CPEB2: variants seen among roughly 807,000 people sequenced by gnomAD.
CPEB2 encodes cytoplasmic polyadenylation element-binding protein 2.
CPEB2 carries 56 observed loss-of-function variants against 93.6 expected under a neutral mutation model. The ratio of observed to expected loss-of-function variants is 0.60; its 90% confidence interval spans 0.48 to 0.75. CPEB2 has a LOEUF of 0.75. CPEB2 is among the 30% of genes least tolerant of loss of function. CPEB2 has a pLI of 0.00. For synonymous variants in CPEB2, 764 were observed against 586.3 expected (o/e 1.30, Z -4.38); for missense variants, 1,579 against 1,395.1 (o/e 1.13, Z -2.10).
rs1022482831 is a variant in CPEB2 at position 15,003,508 on chromosome 4, G to C, written c.835G>C (p.Ala279Pro). The C allele has an allele frequency of 7.8e-6, 11 of 1,415,874 alleles. No individual in the cohort carries two copies. The highest frequency in any genetic ancestry group is 9.2e-6 in the Non-Finnish European group (10 of 1,088,946). 87.7% of individuals were successfully genotyped at this position (1,415,874 alleles called of 1,614,324 possible). A position where few individuals can be genotyped will look rare whatever the true frequency, so the allele number is the denominator to read the frequency against. Residue 279 changes from alanine (A) to proline (P), a missense_variant, in exon 1 of 12, where the codon GCG becomes CCG. Ala to Pro is a conservative substitution (Grantham distance 27). Around this residue, in one of 2 missense-constraint regions of CPEB2, gnomAD observed 1,411 missense variants for 1,056.0 expected, o/e 1.34. Transcript: ENST00000538197. ...AGCCCCGCGGCGCCGCCACGGAGGC[G>C]CGGGCAGCCCTCGCAAGACCCCAGC... is the stretch of plus-strand genomic sequence containing the variant. ...PAAPRRRHGG[A>P]GSPRKTPAAG... is the part of the protein sequence containing the mutation.
chr4:15,055,124 A>G (rs939989138), intron 8 of CPEB2, among the ~76,000 whole-genome samples: 1 of 152,222 alleles, frequency 6.6e-6, no homozygotes, highest in African/African-American at 2.4e-5. Flanking sequence ...TATATGAGTC[A>G]TATCTACTTT....
chr4:15,022,967 T>G (rs1490331052), intron 4 of CPEB2, among the ~76,000 whole-genome samples: 2 of 152,056 alleles, frequency 1.3e-5, no homozygotes, highest in African/African-American at 2.4e-5. Context: ...ATTACAAACT[T>G]ATTAAAACAT....
intron 6 of CPEB2, among the ~76,000 whole-genome samples, chr4:15,051,945 G>T (rs1432624479): frequency 6.6e-6 from 1 of 152,198 alleles, no homozygotes; most frequent in Non-Finnish European, 1.5e-5. Context: ...AATAAATTAG[G>T]TGAAGACCTT....
At chr4:15,059,017 C>T (rs138058963) in intron 9 of CPEB2, among the ~76,000 whole-genome samples, 170 bp from the exon 10 acceptor site, 230 of 152,192 alleles carry the variant, frequency 1.5e-3, no homozygotes, top group African/African-American at 5.1e-3. Flanking sequence ...TCAGAGACTG[C>T]GGATTTATAG....
chr4:15,027,686 CTTAA>C (rs1408776385), intron 4 of CPEB2, among the ~76,000 whole-genome samples: 2 of 152,098 alleles, frequency 1.3e-5, no homozygotes, highest in Non-Finnish European at 2.9e-5. Flanking sequence ...ATTTAAAGCA[CTTAA>C]TTAAGAAGTA....
At chr4:15,046,427 T>C (rs1727707704) in intron 6 of CPEB2, among the ~76,000 whole-genome samples, 1 of 152,178 alleles carries the variant, frequency 6.6e-6, no homozygotes, top group African/African-American at 2.4e-5. Context: ...GGTTTCACGA[T>C]GTTGGCCAGG....
intron 7 of CPEB2, among the ~76,000 whole-genome samples, chr4:15,053,533 T>G (rs2109083551): frequency 6.6e-6 from 1 of 152,322 alleles, no homozygotes. Context: ...TTCTTACATT[T>G]TAGGAAATTT....
In CPEB2 at chr4:15,003,158, C is replaced by T. The variant is rs774732907; in HGVS notation, c.485C>T (p.Ser162Phe). ...TCCTGCTGCTGCTGCCGCACCTCCT[C>T]CCCGCAGGACTTCAGTAAGCGGCAG... ...ASSCCCCRTS[S>F]PQDFSKRQQQ... The change falls in exon 1 of 12, where the codon TCC (serine) becomes TTC (phenylalanine). Residue 162 changes from serine (S) to phenylalanine (F), a missense_variant. By Grantham distance (155) the Ser-to-Phe change is radical. Coordinates refer to ENST00000538197, the MANE Select transcript of CPEB2 (RefSeq NM_001177382.2). 3 of 1,534,528 alleles carry T rather than the reference C, an allele frequency of 2.0e-6. No homozygotes were observed. The highest frequency in any genetic ancestry group is 2.6e-6 in the Non-Finnish European group (3 of 1,146,268).
intron 6 of CPEB2, among the ~76,000 whole-genome samples, chr4:15,050,851 G>A (rs1025938235): frequency 6.6e-6 from 1 of 151,982 alleles, no homozygotes; most frequent in South Asian, 2.1e-4. Flanking sequence ...TGTTATAAAG[G>A]ACCTTAAACT....
Position 15,003,705 on chromosome 4 carries a change from C to T in CPEB2, c.1032C>T (p.Ser344=). Residue 344 remains serine (S), a synonymous_variant, in exon 1 of 12, where the codon AGC becomes AGT. Coordinates refer to ENST00000538197, the MANE Select transcript of CPEB2 (RefSeq NM_001177382.2). ...CGGGCGCCTTCAGCAGCCTGCAGAGCCCGGACCTTCCACACCCGGGCGGCG... is the reference window on the plus strand; with the variant it reads ...CGGGCGCCTTCAGCAGCCTGCAGAGTCCGGACCTTCCACACCCGGGCGGCG... ...LGAGAFSSLQ[S]PDLPHPGGGG... 7.2e-7 allele frequency: 1 copy of T among 1,393,658 alleles called. No individual in the cohort carries two copies. Among genetic ancestry groups the T allele is most frequent in the Non-Finnish European group, 9.3e-7 (1 of 1,075,808 alleles). The allele number at this position is 1,393,658 out of a possible 1,614,324, so 86.3% of individuals were successfully genotyped here.
chr4:15,045,457 G>A (rs1727576490), intron 6 of CPEB2, among the ~76,000 whole-genome samples: 1 of 152,026 alleles, frequency 6.6e-6, no homozygotes, highest in Admixed American at 6.5e-5. Flanking sequence ...CATGGGAGTA[G>A]CATTTTTGTG....
intron 10 of CPEB2, among the ~76,000 whole-genome samples, chr4:15,059,891 G>C (rs554489065): frequency 6.6e-6 from 1 of 152,016 alleles, no homozygotes; most frequent in African/African-American, 2.4e-5. Context: ...CGTCTCCCCA[G>C]TCATAGAGAT....
rs1273734193 is a variant in CPEB2 at position 15,003,210 on chromosome 4, G to T, written c.537G>T (p.Arg179Ser). Residue 179 changes from arginine (R) to serine (S), a missense_variant, in exon 1 of 12, where the codon AGG becomes AGT. Coordinates refer to ENST00000538197, the MANE Select transcript of CPEB2 (RefSeq NM_001177382.2). ...AGCAGCAGCTGAGCAGCCAGAAGAGGAAAGAGTTCAGCCCTCCCCACCTTC... is the reference window on the plus strand; with the variant it reads ...AGCAGCAGCTGAGCAGCCAGAAGAGTAAAGAGTTCAGCCCTCCCCACCTTC... ...RQQQQLSSQK[R>S]KEFSPPHLPH... is the part of the protein sequence containing the mutation. 4 of 1,533,786 alleles carry T rather than the reference G, an allele frequency of 2.6e-6. No individual in the cohort carries two copies. The highest frequency in any genetic ancestry group is 2.6e-6 in the Non-Finnish European group (3 of 1,146,146).
chr4:15,003,585 G>C lies in CPEB2; in HGVS notation c.912G>C (p.Ser304=). 6.8e-7 allele frequency: 1 copy of C among 1,475,288 alleles called. No individual in the cohort carries two copies. Among genetic ancestry groups the C allele is most frequent in the Non-Finnish European group, 8.9e-7 (1 of 1,117,432 alleles). The allele number at this position is 1,475,288 out of a possible 1,614,324, so 91.4% of individuals were successfully genotyped here. A position where few individuals can be genotyped will look rare whatever the true frequency, so the allele number is the denominator to read the frequency against. Residue 304 remains serine, a synonymous_variant, in exon 1 of 12, where the codon TCG becomes TCC. Coordinates refer to ENST00000538197, the MANE Select transcript of CPEB2 (RefSeq NM_001177382.2). ...CCCCCAATGCGGGCTTGGCCTCCTC[G>C]ACGCCGGTGAACCCCGCGCCGGGCT... The part of the protein sequence containing the change: ...AESPNAGLAS[S]TPVNPAPGSM...
intron 4 of CPEB2, among the ~76,000 whole-genome samples, chr4:15,019,072 A>G (rs1724525948): frequency 6.6e-6 from 1 of 150,970 alleles, no homozygotes; most frequent in South Asian, 2.1e-4. Flanking sequence ...GTGAGAAGGG[A>G]AAAAACATGC....
intron 4 of CPEB2, among the ~76,000 whole-genome samples, chr4:15,020,196 A>C (rs1301824826): frequency 6.6e-6 from 1 of 152,134 alleles, no homozygotes; most frequent in Non-Finnish European, 1.5e-5. Flanking sequence ...TAGCCTTAGA[A>C]GTCTCATACC....
Position 15,025,816 on chromosome 4 carries a change from G to A in CPEB2, c.2126-7345G>A, listed in dbSNP as rs546171223. 2.0e-5 allele frequency among the ~76,000 whole-genome samples: 3 copies of A among 151,762 alleles called. No homozygotes were observed. In the South Asian group the frequency reaches 6.2e-4, roughly 32 times the overall value. Reference sequence around the variant, plus strand: ...GCATTCCCCATGTATACACGGCTTAGGTTTGTGTTTCAGTGATTTCTGGTC... The same window carrying A: ...GCATTCCCCATGTATACACGGCTTAAGTTTGTGTTTCAGTGATTTCTGGTC... On this transcript the variant is annotated intron_variant, in intron 4 of 11. Coordinates refer to ENST00000538197, the MANE Select transcript of CPEB2 (RefSeq NM_001177382.2).
At chr4:15,059,156 G>A in intron 9 of CPEB2, 31 bp from the exon 10 acceptor site, 1 of 1,299,586 alleles carries the variant, frequency 7.7e-7, no homozygotes, top group East Asian at 2.3e-5. Flanking sequence ...AGACATCAAG[G>A]GAGTAAGACC....
intron 6 of CPEB2, among the ~76,000 whole-genome samples, chr4:15,043,732 G>A (rs1275617574): frequency 2.0e-5 from 3 of 151,948 alleles, no homozygotes; most frequent in East Asian, 1.9e-4. Context: ...AAATAAAAAC[G>A]TAGTTTAGTT....
Sources: allele counts gnomAD v4.1 joint callset (sites outside exome capture counted in the v4.1 genomes callset), GRCh38; gene constraint gnomAD v4.1.1; regional missense constraint gnomAD v4.1.1; transcripts MANE v1.5; gene names NCBI Gene and HGNC (gene_info 2026-07-23, HGNC 2026-07-21).